EP300: variants seen among roughly 807,000 people sequenced by gnomAD.
The protein encoded by EP300 is histone acetyltransferase p300.
A neutral mutation model predicts 264.0 loss-of-function variants in EP300; 31 were observed. The ratio of observed to expected loss-of-function variants is 0.12; its 90% confidence interval spans 0.09 to 0.16. EP300 has a LOEUF of 0.16. Ranked by LOEUF, EP300 falls within the 10% of genes least tolerant of loss-of-function variation. The pLI is 1.00. For missense variants in EP300, 2,766 were observed against 3,052.9 expected, an observed-to-expected ratio of 0.91 and a Z score of 2.21; for synonymous variants, 1,340 against 1,045.4, an observed-to-expected ratio of 1.28 and a Z score of -5.44.
At chr22:41,147,115 C>T (rs1039873362) in intron 11 of EP300, among the ~76,000 whole-genome samples, 1 of 151,644 alleles carries the variant, frequency 6.6e-6, no homozygotes, top group African/African-American at 2.4e-5. Flanking sequence ...ACCAGCCTGG[C>T]CAATGTGGTG....
chr22:41,176,765 T>G lies in EP300; in HGVS notation c.5062-8T>G. On this transcript the variant is annotated splice_region_variant and splice_polypyrimidine_tract_variant and intron_variant, in intron 30 of 30. Coordinates refer to ENST00000263253, the MANE Select transcript of EP300 (RefSeq NM_001429.4). ...AGAGTTTACGTGCACCTCCTGTTTTTTCCCTAGGATTATGACTTGTGTATC... is the reference window on the plus strand; with the variant it reads ...AGAGTTTACGTGCACCTCCTGTTTTGTCCCTAGGATTATGACTTGTGTATC... 7 of 1,613,932 alleles carry G rather than the reference T, an allele frequency of 4.3e-6. No individual in the cohort carries two copies. Among genetic ancestry groups the G allele is most frequent in the Non-Finnish European group, 5.9e-6 (7 of 1,180,038 alleles).
rs151267327 is a variant in EP300 at position 41,146,508 on chromosome 22, G to T, written c.2054-231G>T. On this transcript the variant is annotated intron_variant, in intron 10 of 30. Coordinates refer to ENST00000263253, the MANE Select transcript of EP300 (RefSeq NM_001429.4). ...GCTTATTTTTCTATCAACATTGAAA[G>T]CACCCGGGCTCATAAAGGAATACCA... 477 of 538,166 alleles carry T rather than the reference G, an allele frequency of 8.9e-4. 1 individual carries two copies. The East Asian group carries it at 0.013, about 15-fold the overall frequency. The allele number at this position is 538,166 out of a possible 1,614,324, so 33.3% of individuals were successfully genotyped here.
intron 27 of EP300, among the ~76,000 whole-genome samples, chr22:41,171,775 C>G (rs1370533139): frequency 6.6e-6 from 1 of 151,648 alleles, no homozygotes; most frequent in Non-Finnish European, 1.5e-5. Context: ...CCAAGCCAGG[C>G]TAATTTTTTC....
chr22:41,117,640 G>T lies in EP300; in HGVS notation c.548G>T (p.Gly183Val). 1 of 1,614,218 alleles carries T rather than the reference G, an allele frequency of 6.2e-7. No individual in the cohort carries two copies. Among genetic ancestry groups the T allele is most frequent in the Non-Finnish European group, 8.5e-7 (1 of 1,180,050 alleles). The change falls in exon 2 of 31, where the codon GGA becomes GTA. Residue 183 changes from glycine to valine, a missense_variant. Physicochemically the swap from Gly to Val is moderately radical, Grantham distance 109 (BLOSUM62 -3). Coordinates refer to ENST00000263253, the MANE Select transcript of EP300 (RefSeq NM_001429.4). The stretch of plus-strand genomic sequence containing the variant: ...CCTGGAATGTTGGCTGCAGGCAATG[G>T]ACAAGGGATAATGCCTAATCAAGTC... ...MNPGMLAAGN[G>V]QGIMPNQVMN...
intron 5 of EP300, among the ~76,000 whole-genome samples, chr22:41,131,118 A>T (rs981686155): frequency 6.6e-6 from 1 of 152,206 alleles, no homozygotes; most frequent in African/African-American, 2.4e-5. Flanking sequence ...GCTCCAAAGC[A>T]TTCATACAGT....
chr22:41,132,766 T>A (rs1300276964), intron 6 of EP300, among the ~76,000 whole-genome samples: 1 of 152,174 alleles, frequency 6.6e-6, no homozygotes, highest in Non-Finnish European at 1.5e-5. Flanking sequence ...AATAGTTTTT[T>A]TGTGACTTGT....
Position 41,117,267 on chromosome 22 carries a change from G to A in EP300, c.175G>A (p.Gly59Ser), listed in dbSNP as rs1569090280. The A allele has an allele frequency of 1.2e-6, 2 of 1,614,152 alleles. No individual in the cohort carries two copies. The highest frequency in any genetic ancestry group is 1.7e-5 in the Admixed American group (1 of 60,014). The change falls in exon 2 of 31, where the codon GGT (glycine) becomes AGT (serine). Residue 59 changes from glycine (G) to serine (S), a missense_variant. Transcript: ENST00000263253. The part of the protein sequence containing the change: ...NSTELGLTNG[G>S]DINQLQTSLG... Reference sequence around the variant, plus strand: ...TACAGAATTGGGACTAACCAATGGTGGTGATATTAATCAGCTTCAGACAAG... The same window carrying A: ...TACAGAATTGGGACTAACCAATGGTAGTGATATTAATCAGCTTCAGACAAG...
At chr22:41,167,574 GTGTGTGTGTGTATATATATATA>G (rs1373764952) in intron 23 of EP300, among the ~76,000 whole-genome samples, 1 of 29,184 alleles carries the variant, frequency 3.4e-5, no homozygotes, top group Non-Finnish European at 6.4e-5. Context: ...GTGTGTGTGT[GTGTGTGTGTGTATATATATATA>G]TATATATATA....
chr22:41,178,418 A>G lies in EP300; in HGVS notation c.6707A>G (p.Gln2236Arg). Reference protein sequence around the residue: ...RMQHHMQQMQQGNMGQIGQLP... With the variant: ...RMQHHMQQMQRGNMGQIGQLP... Reference sequence around the variant, plus strand: ...CAGCATCACATGCAACAGATGCAACAAGGAAATATGGGACAGATAGGCCAG... The same window carrying G: ...CAGCATCACATGCAACAGATGCAACGAGGAAATATGGGACAGATAGGCCAG... Residue 2236 changes from glutamine to arginine, a missense_variant, in exon 31 of 31, where the codon CAA becomes CGA. Transcript: ENST00000263253. 3.7e-6 allele frequency: 6 copies of G among 1,614,124 alleles called. No individual in the cohort carries two copies. Among genetic ancestry groups the G allele is most frequent in the Non-Finnish European group, 5.1e-6 (6 of 1,180,010 alleles).
chr22:41,173,469 T>C (rs1458991075), intron 28 of EP300, among the ~76,000 whole-genome samples, 154 bp from the exon 29 acceptor site: 1 of 152,138 alleles, frequency 6.6e-6, no homozygotes, highest in Non-Finnish European at 1.5e-5. Flanking sequence ...ATAACAACTT[T>C]AAGGAGAAAG....
chr22:41,134,063 G>T (rs2058935487), intron 6 of EP300, among the ~76,000 whole-genome samples: 1 of 151,710 alleles, frequency 6.6e-6, no homozygotes, highest in Admixed American at 6.6e-5. Context: ...TTGTGCTAAT[G>T]CTCATTGTAC....
In EP300 at chr22:41,155,285, G is replaced by A. The variant is rs114579442; in HGVS notation, c.3261+172G>A. ...TTCTGGTTGCCTAGGCTGGAGTGCA[G>A]TGGCACGATCGTGGCTCACTACTGT... On this transcript the variant is annotated intron_variant, in intron 17 of 30. Transcript: ENST00000263253. Among the ~76,000 whole-genome samples the A allele has an allele frequency of 0.017, 2,642 of 151,978 alleles. 69 individuals are homozygous for A. The highest frequency in any genetic ancestry group is 0.061 in the African/African-American group (2,523 of 41,394).
chr22:41,179,117 C>CA lies in EP300; in HGVS notation c.*163dup, dbSNP rs1393698837. 44 of 731,214 alleles carry CA rather than the reference C, an allele frequency of 6.0e-5. No individual in the cohort carries two copies. The East Asian group carries it at 1.0e-3, about 17-fold the overall frequency. 45.3% of individuals were successfully genotyped at this position (731,214 alleles called of 1,614,324 possible). Reference sequence around the variant, plus strand: ...CCGTTTGTGGTTTAAAGCAAACATGCAAGATGAACCTGAGGGATGATAGAA... The same window carrying CA: ...CCGTTTGTGGTTTAAAGCAAACATGCAAAGATGAACCTGAGGGATGATAGAA... On this transcript the variant is annotated 3_prime_UTR_variant, in exon 31 of 31. Transcript: ENST00000263253.
rs1300051720 is a variant in EP300 at position 41,167,582 on chromosome 22, GTGTATATATATATATATA to G, written c.3875-865_3875-848del. Reference sequence around the variant, plus strand: ...TATTTGTGTGTGTGTGTGTGTGTGTGTGTATATATATATATATATATATATATATATATATATATATAT... The same window carrying G: ...TATTTGTGTGTGTGTGTGTGTGTGTGTATATATATATATATATATATATAT... On this transcript the variant is annotated intron_variant, in intron 23 of 30. Coordinates refer to ENST00000263253, the MANE Select transcript of EP300 (RefSeq NM_001429.4). Among the ~76,000 whole-genome samples, 110 of 21,636 alleles carry G rather than the reference GTGTATATATATATATATA, an allele frequency of 5.1e-3. 1 individual carries two copies. Among genetic ancestry groups the G allele is most frequent in the Admixed American group, 0.033 (73 of 2,232 alleles). The allele number at this position is 21,636 out of a possible 152,430, so 14.2% of individuals were successfully genotyped here. A position where few individuals can be genotyped will look rare whatever the true frequency, so the allele number is the denominator to read the frequency against.
intron 1 of EP300, among the ~76,000 whole-genome samples, chr22:41,098,806 T>C (rs1478512866): frequency 6.6e-6 from 1 of 152,156 alleles, no homozygotes; most frequent in Admixed American, 6.5e-5. Context: ...AACTGTGAAC[T>C]TTGGGCCAAA....
At chr22:41,099,150 C>T (rs776473434) in intron 1 of EP300, among the ~76,000 whole-genome samples, 8 of 152,100 alleles carry the variant, frequency 5.3e-5, no homozygotes, top group Middle Eastern at 3.4e-3. Context: ...TGACAACCTC[C>T]GTCTCCCGGC....
Position 41,131,375 on chromosome 22 carries a change from T to C in EP300, c.1283-13T>C, listed in dbSNP as rs910566506. 8 of 1,613,236 alleles carry C rather than the reference T, an allele frequency of 5.0e-6. No homozygotes were observed. Among genetic ancestry groups the C allele is most frequent in the African/African-American group, 1.3e-5 (1 of 75,018 alleles). On this transcript the variant is annotated splice_polypyrimidine_tract_variant and intron_variant, in intron 5 of 30. Coordinates refer to ENST00000263253, the MANE Select transcript of EP300 (RefSeq NM_001429.4). ...GCATTAATTTGTAATACTATATCTT[T>C]TGTCTTCTCTAGCAATTTTGACTGG...
intron 6 of EP300, among the ~76,000 whole-genome samples, chr22:41,132,619 C>A (rs1047382654): frequency 6.6e-6 from 1 of 152,048 alleles, no homozygotes; most frequent in Non-Finnish European, 1.5e-5. Context: ...ATTGAGATCT[C>A]CAATTATTCT....
chr22:41,139,294 C>A (rs1259076071), intron 8 of EP300, among the ~76,000 whole-genome samples: 1 of 152,166 alleles, frequency 6.6e-6, no homozygotes, highest in African/African-American at 2.4e-5. Context: ...CGGAATTTGA[C>A]AAGGAAAGAA....
Sources: gnomAD v4.1 joint callset for allele counts (sites outside exome capture counted in the v4.1 genomes callset) on GRCh38, gnomAD v4.1.1 for gene constraint, MANE v1.5 for transcripts, NCBI Gene and HGNC (gene_info 2026-07-23, HGNC 2026-07-21) for gene names.